CADM1: variants seen among roughly 807,000 people sequenced by gnomAD.
The protein encoded by CADM1 is cell adhesion molecule 1, also known as TSLC-1.
In CADM1, 15 loss-of-function variants were observed where a neutral mutation model predicts 53.1. The ratio of observed to expected loss-of-function variants is 0.28; its 90% CI spans 0.19 to 0.44. The LOEUF is 0.44. Ranked by LOEUF, CADM1 falls within the 20% of genes least tolerant of loss-of-function variation. The pLI is 1.00. For missense variants in CADM1, 434 were observed against 611.3 expected (o/e 0.71, Z 3.06); for synonymous variants, 281 against 243.0 (o/e 1.16, Z -1.45).
chr11:115,295,273 T>C (rs1215507976), intron 1 of CADM1, among the ~76,000 whole-genome samples: 34 of 151,828 alleles, frequency 2.2e-4, no homozygotes, highest in Admixed American at 2.2e-3. Flanking sequence ...ATCACATCAG[T>C]ACGTCCACCT....
At chr11:115,377,013 A>G (rs758805434) in intron 1 of CADM1, among the ~76,000 whole-genome samples, 43 of 152,214 alleles carry the variant, frequency 2.8e-4, no homozygotes, top group Non-Finnish European at 5.4e-4. Flanking sequence ...TTTAAATTAC[A>G]AATGTCATGC....
intron 1 of CADM1, among the ~76,000 whole-genome samples, chr11:115,361,362 C>T (rs550650198): frequency 6.6e-6 from 1 of 152,264 alleles, no homozygotes; most frequent in South Asian, 2.1e-4. Context: ...TAATCTATAG[C>T]CCATAAAGGA....
At chr11:115,253,219 A>G (rs553861150) in intron 1 of CADM1, among the ~76,000 whole-genome samples, 1 of 152,330 alleles carries the variant, frequency 6.6e-6, no homozygotes, top group Admixed American at 6.5e-5. Flanking sequence ...AGCTGGCCCT[A>G]AACAGTCTTA....
intron 1 of CADM1, among the ~76,000 whole-genome samples, chr11:115,486,595 T>C (rs1949378093): frequency 6.6e-6 from 1 of 152,182 alleles, no homozygotes; most frequent in Admixed American, 6.5e-5. Context: ...TCCTCCCACC[T>C]AGGCCTCCCA....
intron 1 of CADM1, among the ~76,000 whole-genome samples, chr11:115,341,771 T>C (rs1315589416): frequency 6.6e-6 from 1 of 152,190 alleles, no homozygotes; most frequent in Non-Finnish European, 1.5e-5. Flanking sequence ...CCTTTTTTCA[T>C]CTGTTTTTGA....
chr11:115,223,973 A>AAAAG (rs59495248), intron 5 of CADM1, among the ~76,000 whole-genome samples: 46 of 92,478 alleles, frequency 5.0e-4, no homozygotes, highest in East Asian at 4.5e-3. Context: ...AAAAAAAAAA[A>AAAAG]AGAGAGAGAG....
chr11:115,438,679 C>T (rs1409527973), intron 1 of CADM1, among the ~76,000 whole-genome samples: 2 of 151,884 alleles, frequency 1.3e-5, no homozygotes, highest in Admixed American at 6.6e-5. Context: ...TCTAATGATA[C>T]TAATAAACTG....
intron 1 of CADM1, among the ~76,000 whole-genome samples, chr11:115,276,031 G>A (rs1197334546): frequency 2.6e-5 from 4 of 152,072 alleles, no homozygotes; most frequent in Non-Finnish European, 5.9e-5. Context: ...AGCTTCAGAA[G>A]GAGAAAAGGA....
chr11:115,443,781 A>G (rs1948384061), intron 1 of CADM1, among the ~76,000 whole-genome samples: 1 of 152,248 alleles, frequency 6.6e-6, no homozygotes. Context: ...TCAGCCAAAT[A>G]GAAAGGTATC....
At chr11:115,372,046 T>C (rs553409984) in intron 1 of CADM1, among the ~76,000 whole-genome samples, 3 of 152,304 alleles carry the variant, frequency 2.0e-5, no homozygotes, top group Non-Finnish European at 4.4e-5. Flanking sequence ...AAAATGCTCA[T>C]TTGAAGTTTA....
intron 1 of CADM1, among the ~76,000 whole-genome samples, chr11:115,350,719 G>A (rs1299179686): frequency 4.6e-5 from 7 of 151,606 alleles, no homozygotes; most frequent in Admixed American, 3.3e-4. Context: ...AGAACTTAGC[G>A]CATTAGCAAT....
chr11:115,338,423 T>C (rs148853701), intron 1 of CADM1, among the ~76,000 whole-genome samples: 50 of 152,284 alleles, frequency 3.3e-4, no homozygotes, highest in African/African-American at 1.1e-3. Context: ...TGTTCATGTC[T>C]CAAATTTTAG....
chr11:115,475,887 C>T (rs1277013950), intron 1 of CADM1, among the ~76,000 whole-genome samples: 2 of 152,110 alleles, frequency 1.3e-5, no homozygotes, highest in African/African-American at 4.8e-5. Context: ...CAATTCTATG[C>T]ATGTGTCAAA....
chr11:115,299,382 T>G (rs901963183), intron 1 of CADM1, among the ~76,000 whole-genome samples: 2 of 152,202 alleles, frequency 1.3e-5, no homozygotes, highest in African/African-American at 2.4e-5. Context: ...CAAATTTTTT[T>G]GTTTACCAGC....
At chr11:115,235,531 A>C (rs528728348) in intron 3 of CADM1, among the ~76,000 whole-genome samples, 1 of 152,348 alleles carries the variant, frequency 6.6e-6, no homozygotes, top group African/African-American at 2.4e-5. Flanking sequence ...CATAGAGGGA[A>C]ATACTAGAAA....
At chr11:115,277,730 G>C (rs1020404129) in intron 1 of CADM1, among the ~76,000 whole-genome samples, 1 of 152,048 alleles carries the variant, frequency 6.6e-6, no homozygotes, top group African/African-American at 2.4e-5. Context: ...CACTGACTAG[G>C]CATTTAGTAT....
At chr11:115,187,236 C>G (rs755549716) in intron 10 of CADM1, among the ~76,000 whole-genome samples, 3 of 152,168 alleles carry the variant, frequency 2.0e-5, no homozygotes, top group Non-Finnish European at 4.4e-5. Flanking sequence ...CTGGGCCACT[C>G]TTTATGTGGG....
At position 115,291,584 on chromosome 11, in the gene CADM1, C is replaced by A. The variant is rs1216887579; in HGVS notation, c.125-51164G>T. Among the ~76,000 whole-genome samples, 53 of 152,156 alleles carry A rather than the reference C, an allele frequency of 3.5e-4. 1 individual carries two copies. The highest frequency in any genetic ancestry group is 1.5e-5 in the Non-Finnish European group (1 of 68,028). On this transcript the variant is annotated intron_variant, in intron 1 of 11. Transcript: ENST00000331581. Reference sequence around the variant, plus strand: ...ACAAAGAGAACAGCAGATTCTGTCTCTCATGTGCTAGCCTTCCTTCCTCTT... The same window carrying A: ...ACAAAGAGAACAGCAGATTCTGTCTATCATGTGCTAGCCTTCCTTCCTCTT...
rs1947332499 is a variant in CADM1 at position 115,407,001 on chromosome 11, AG to A, written c.124+97269del. Among the ~76,000 whole-genome samples the A allele has an allele frequency of 2.6e-5, 4 of 152,148 alleles. No individual in the cohort carries two copies. The Middle Eastern group carries it at 0.01, about 396-fold the overall frequency. ...ATATATAGTCATAAAATGCCCCCAC[AG>A]TTGAAGCATGGTAAAATGTAATCAT... On this transcript the variant is annotated intron_variant, in intron 1 of 11. Coordinates refer to ENST00000331581, the MANE Select transcript of CADM1 (RefSeq NM_001301043.2).
Sources: allele counts gnomAD v4.1 joint callset (sites outside exome capture counted in the v4.1 genomes callset), GRCh38; gene constraint gnomAD v4.1.1; transcripts MANE v1.5; gene names NCBI Gene and HGNC (gene_info 2026-07-23, HGNC 2026-07-21).